JARID2: variants seen among roughly 807,000 people sequenced by gnomAD.
The protein encoded by JARID2 is protein Jumonji.
JARID2 carries 21 observed loss-of-function variants against 125.6 expected under a neutral mutation model. That is an observed-to-expected ratio of 0.17 (90% CI 0.12 to 0.24). The LOEUF is 0.24. Among genes scored for constraint, JARID2 ranks in the 10% least tolerant of loss-of-function variants. The pLI is 1.00. For synonymous variants in JARID2, 736 were observed against 661.6 expected (o/e 1.11, Z -1.73); for missense variants, 1,303 against 1,639.6 (o/e 0.79, Z 3.55).
At chr6:15,410,446 G>C in intron 3 of JARID2, 81 bp downstream of exon 3, 2 of 1,385,886 alleles carry the variant, frequency 1.4e-6, no homozygotes, top group Non-Finnish European at 2.0e-6. Context: ...ACATGATAAC[G>C]TGAGCCCATT....
At chr6:15,365,426 G>T (rs754135178) in intron 1 of JARID2, among the ~76,000 whole-genome samples, 6 of 152,158 alleles carry the variant, frequency 3.9e-5, no homozygotes, top group Non-Finnish European at 8.8e-5. Flanking sequence ...ATGAGCGTGC[G>T]GACGTCTTGC....
At chr6:15,377,078 ATC>A (rs1217663563) in intron 2 of JARID2, among the ~76,000 whole-genome samples, 3 of 152,218 alleles carry the variant, frequency 2.0e-5, no homozygotes, top group Non-Finnish European at 4.4e-5. Context: ...CTCATGTCCT[ATC>A]TCATAGAAAC....
intron 1 of JARID2, among the ~76,000 whole-genome samples, chr6:15,291,668 T>C (rs1761220446): frequency 6.6e-6 from 1 of 152,202 alleles, no homozygotes; most frequent in South Asian, 2.1e-4. Flanking sequence ...ACACCGTCTC[T>C]TGCACGGTGC....
intron 1 of JARID2, among the ~76,000 whole-genome samples, chr6:15,253,955 A>G (rs900224246): frequency 6.6e-6 from 1 of 152,212 alleles, no homozygotes; most frequent in Admixed American, 6.5e-5. Context: ...TTCAGAGGAC[A>G]TAGAAGTAAC....
At chr6:15,346,894 C>T (rs1403522653) in intron 1 of JARID2, among the ~76,000 whole-genome samples, 5 of 152,016 alleles carry the variant, frequency 3.3e-5, no homozygotes, top group African/African-American at 1.2e-4. Flanking sequence ...TGCCACCACA[C>T]CCATCTAATT....
chr6:15,274,282 C>T (rs888353254), intron 1 of JARID2, among the ~76,000 whole-genome samples: 4 of 151,974 alleles, frequency 2.6e-5, no homozygotes, highest in African/African-American at 9.7e-5. Context: ...GGAAATTTGT[C>T]CCTTTTCATT....
intron 14 of JARID2, 95 bp downstream of exon 14, chr6:15,512,485 T>C (rs1318082420): frequency 1.8e-5 from 20 of 1,108,522 alleles, no homozygotes; most frequent in Non-Finnish European, 2.5e-5. Context: ...TGTGCGTGTC[T>C]ATTTGTCAAT....
At chr6:15,449,182 C>CA (rs1767808001) in intron 3 of JARID2, among the ~76,000 whole-genome samples, 1 of 151,958 alleles carries the variant, frequency 6.6e-6, no homozygotes, top group African/African-American at 2.4e-5. Context: ...CAGTTGGTTG[C>CA]AAAAAAGCTC....
chr6:15,283,175 TCACC>T (rs1760835370), intron 1 of JARID2, among the ~76,000 whole-genome samples: 2 of 150,106 alleles, frequency 1.3e-5, no homozygotes, highest in African/African-American at 2.5e-5. Context: ...AGACGGGGTT[TCACC>T]GTGTTAGCCA....
intron 5 of JARID2, among the ~76,000 whole-genome samples, chr6:15,481,821 A>G (rs1313706738): frequency 6.6e-6 from 1 of 152,148 alleles, no homozygotes; most frequent in African/African-American, 2.4e-5. Context: ...AAACTCTTCC[A>G]TTTCCAGATA....
At chr6:15,463,144 G>T (rs760438322) in intron 4 of JARID2, among the ~76,000 whole-genome samples, 2 of 152,036 alleles carry the variant, frequency 1.3e-5, no homozygotes, top group Non-Finnish European at 2.9e-5. Flanking sequence ...ATTTTAATAG[G>T]AAACTGTCTA....
chr6:15,358,539 G>A (rs1182679790), intron 1 of JARID2, among the ~76,000 whole-genome samples: 1 of 152,198 alleles, frequency 6.6e-6, no homozygotes, highest in Non-Finnish European at 1.5e-5. Context: ...TTGAATGGAT[G>A]ATAGCAGATT....
chr6:15,335,975 A>G (rs539506419), intron 1 of JARID2, among the ~76,000 whole-genome samples: 1 of 152,250 alleles, frequency 6.6e-6, no homozygotes, highest in South Asian at 2.1e-4. Context: ...GGTCCCAGCT[A>G]CTCAAGAGGC....
intron 1 of JARID2, among the ~76,000 whole-genome samples, chr6:15,369,151 T>C (rs1764076965): frequency 6.6e-6 from 1 of 152,198 alleles, no homozygotes; most frequent in African/African-American, 2.4e-5. Flanking sequence ...GTGTGTATTA[T>C]AGAACTTGGA....
chr6:15,422,880 A>C (rs1766560684), intron 3 of JARID2, among the ~76,000 whole-genome samples: 1 of 152,000 alleles, frequency 6.6e-6, no homozygotes, highest in South Asian at 2.1e-4. Context: ...TACAGGAAGC[A>C]GCTCCTTTTT....
chr6:15,420,493 A>G lies in JARID2; in HGVS notation c.323+10128A>G, dbSNP rs906703696. Among the ~76,000 whole-genome samples, 6 of 152,144 alleles carry G rather than the reference A, an allele frequency of 3.9e-5. No homozygotes were observed. In the South Asian group the frequency reaches 6.2e-4, roughly 16 times the overall value. On this transcript the variant is annotated intron_variant, in intron 3 of 17. Transcript: ENST00000341776. The stretch of plus-strand genomic sequence containing the variant: ...TCTTTGGTGTTTCTTGAACATGTGG[A>G]GTACAGTTACAAGAGATATTTGAGT...
intron 4 of JARID2, among the ~76,000 whole-genome samples, chr6:15,455,449 G>T (rs763278258): frequency 6.6e-6 from 1 of 152,138 alleles, no homozygotes; most frequent in Non-Finnish European, 1.5e-5. Context: ...CCTACAGTGG[G>T]ATATAACACT....
At chr6:15,320,378 G>A (rs1217374492) in intron 1 of JARID2, among the ~76,000 whole-genome samples, 4 of 152,190 alleles carry the variant, frequency 2.6e-5, no homozygotes, top group East Asian at 1.9e-4. Context: ...TAGGTAGTTC[G>A]TAGAATGTAA....
intron 3 of JARID2, among the ~76,000 whole-genome samples, chr6:15,414,233 A>G (rs924392082): frequency 3.3e-5 from 5 of 152,180 alleles, no homozygotes; most frequent in Non-Finnish European, 5.9e-5. Context: ...AACTTTATCT[A>G]GTCTGCTTTT....
Sources: gnomAD v4.1 joint callset for allele counts (sites outside exome capture counted in the v4.1 genomes callset) on GRCh38, gnomAD v4.1.1 for gene constraint, MANE v1.5 for transcripts, NCBI Gene and HGNC (gene_info 2026-07-23, HGNC 2026-07-21) for gene names.